Variants in ZNF454 observed in about 807,000 individuals in gnomAD.
ZNF454 encodes zinc finger protein 454.
ZNF454 carries 30 observed loss-of-function variants against 48.2 expected under a neutral mutation model. The observed-to-expected ratio is 0.62, with a 90% CI of 0.47 to 0.84. The LOEUF (loss-of-function observed/expected upper bound fraction) is 0.84. Among genes scored for constraint, ZNF454 ranks in the 40% least tolerant of loss-of-function variants. The pLI, the probability that ZNF454 is intolerant of heterozygous loss-of-function variation, is 0.00. For synonymous variants in ZNF454, 204 were observed against 211.4 expected (o/e 0.97, Z 0.30); for missense variants, 510 against 623.1 (o/e 0.82, Z 1.93).
chr5:178,943,752 G>A (rs1163825438), intron 2 of ZNF454, among the ~76,000 whole-genome samples: 2 of 152,314 alleles, frequency 1.3e-5, no homozygotes, highest in African/African-American at 4.8e-5. Flanking sequence ...TGGGCCAGAC[G>A]CGGTGGCTCA....
In ZNF454 at chr5:178,965,516, T is replaced by G; in HGVS notation, c.1112T>G (p.Leu371Arg). The change falls in exon 5 of 5, where the codon CTT becomes CGT. Residue 371 changes from leucine (L) to arginine (R), a missense_variant. Around this residue, in one of 3 missense-constraint regions of ZNF454, gnomAD observed 153 missense variants for 195.8 expected, o/e 0.78. Transcript: ENST00000519564. This position sits in a 1 kb window ranked among gnomAD's most constrained non-coding sequence, Gnocchi z 5.2. ...AAGGCCTTCAGGGTGAACTCTTCCC[T>G]TACTGAACATCAGAGAATTCATACT... ...CGKAFRVNSS[L>R]TEHQRIHTGE... The G allele has an allele frequency of 6.2e-7, 1 of 1,614,116 alleles. No homozygotes were observed. Among genetic ancestry groups the G allele is most frequent in the Non-Finnish European group, 8.5e-7 (1 of 1,180,022 alleles).
the ZNF454 span, among the ~76,000 whole-genome samples, chr5:178,973,979 T>A: frequency 1.3e-5 from 2 of 152,112 alleles, no homozygotes; most frequent in Non-Finnish European, 2.9e-5. Flanking sequence ...AGGGTCATAG[T>A]TTAAACTTAT....
chr5:178,968,766 G>A, downstream of ZNF454: 1 of 456,704 alleles, frequency 2.2e-6, no homozygotes, highest in Admixed American at 2.3e-5. Flanking sequence ...AGCTGAGTTG[G>A]TTGGTGGTTT....
the ZNF454 span, chr5:178,989,060 G>A: frequency 3.1e-6 from 5 of 1,613,908 alleles, no homozygotes; most frequent in Admixed American, 8.3e-5. Flanking sequence ...GTGGGCAATG[G>A]CGTACACCGC....
chr5:178,974,842 G>C, the ZNF454 span, among the ~76,000 whole-genome samples: 27 of 152,294 alleles, frequency 1.8e-4, no homozygotes, highest in African/African-American at 5.8e-4. Flanking sequence ...ATCACAACAT[G>C]AGAGTTAAGA....
rs753198538 is a variant in ZNF454, at chr5:178,942,751, C to G, written c.-41C>G. On this transcript the variant is annotated 5_prime_UTR_variant, in exon 2 of 5. Transcript: ENST00000519564. Reference sequence around the variant, plus strand: ...TGAAGCTCCACACCTGCCTCCATAGCACTTTGCCTGTCCCTAAGAGGGCTC... The same window carrying G: ...TGAAGCTCCACACCTGCCTCCATAGGACTTTGCCTGTCCCTAAGAGGGCTC... 1 of 1,613,482 alleles carries G rather than the reference C, an allele frequency of 6.2e-7. No homozygotes were observed. Among genetic ancestry groups the G allele is most frequent in the East Asian group, 2.2e-5 (1 of 44,876 alleles).
the ZNF454 span, among the ~76,000 whole-genome samples, chr5:178,975,074 A>G: frequency 1.3e-5 from 2 of 152,170 alleles, no homozygotes; most frequent in South Asian, 2.1e-4. Flanking sequence ...TTGGGAGGCC[A>G]TGGCAGGCCG....
downstream of ZNF454, among the ~76,000 whole-genome samples, chr5:178,968,360 A>T (rs555797990): frequency 6.6e-6 from 1 of 152,214 alleles, no homozygotes; most frequent in East Asian, 1.9e-4. Context: ...AGAAGAGGAT[A>T]TTCTATATCA....
chr5:178,976,702 A>T, the ZNF454 span, among the ~76,000 whole-genome samples: 1 of 152,176 alleles, frequency 6.6e-6, no homozygotes, highest in Non-Finnish European at 1.5e-5. Flanking sequence ...GCAGAGCTGG[A>T]GTTGACCTCA....
rs557642549 is a variant in ZNF454 at position 178,965,135 on chromosome 5, A to G, written c.731A>G (p.Tyr244Cys). 5 of 1,614,028 alleles carry G rather than the reference A, an allele frequency of 3.1e-6. No individual in the cohort carries two copies. In the African/African-American group the frequency reaches 4.0e-5, roughly 13 times the overall value. Residue 244 changes from tyrosine to cysteine, a missense_variant, in exon 5 of 5, where the codon TAT becomes TGT. This residue lies in a region of ZNF454 where 354 missense variants were observed against 408.9 expected (regional missense o/e 0.87). Coordinates refer to ENST00000519564, the MANE Select transcript of ZNF454 (RefSeq NM_001178089.3). The surrounding 1 kb of genome is among the most constrained non-coding windows in gnomAD (Gnocchi z 5.2). ...AGAATTCACACTGGCGAGAAACCCT[A>G]TGAATGTAAGGAATGTGGCAAGGCC... is the stretch of plus-strand genomic sequence containing the variant. Reference protein sequence around the residue: ...HQRIHTGEKPYECKECGKAFS... With the variant: ...HQRIHTGEKPCECKECGKAFS...
chr5:178,956,931 TG>T, intron 4 of ZNF454: 1 of 304,864 alleles, frequency 3.3e-6, no homozygotes. Context: ...GTTACCAAGC[TG>T]GAGTGCAGTG....
At chr5:178,977,910 T>C in the ZNF454 span, among the ~76,000 whole-genome samples, 1 of 152,192 alleles carries the variant, frequency 6.6e-6, no homozygotes, top group Non-Finnish European at 1.5e-5. Flanking sequence ...ACTAATTTAC[T>C]TCTCTACACC....
downstream of ZNF454, chr5:178,969,480 G>A (rs777220662): frequency 1.1e-5 from 5 of 456,792 alleles, no homozygotes; most frequent in East Asian, 7.0e-5. Context: ...TGGCCATGTC[G>A]ACATACCCAG....
downstream of ZNF454, among the ~76,000 whole-genome samples, chr5:178,970,103 G>C (rs1465666604): frequency 3.9e-5 from 6 of 152,162 alleles, no homozygotes; most frequent in African/African-American, 1.4e-4. Context: ...TACTGTGGCC[G>C]AGCCTCAGAG....
chr5:178,947,828 A>C (rs1412367298), intron 4 of ZNF454, among the ~76,000 whole-genome samples: 2 of 152,194 alleles, frequency 1.3e-5, no homozygotes, highest in African/African-American at 2.4e-5. Context: ...AACCCAATGC[A>C]GTAGGCGGGA....
chr5:178,946,752 C>T lies in ZNF454; in HGVS notation c.161-145C>T, dbSNP rs1454799178. 1 of 797,656 alleles carries T rather than the reference C, an allele frequency of 1.3e-6. No individual in the cohort carries two copies. Among genetic ancestry groups the T allele is most frequent in the African/African-American group, 1.7e-5 (1 of 57,940 alleles). 49.4% of individuals were successfully genotyped at this position (797,656 alleles called of 1,614,324 possible). A position where few individuals can be genotyped will look rare whatever the true frequency, so the allele number is the denominator to read the frequency against. On this transcript the variant is annotated intron_variant, in intron 3 of 4. Transcript: ENST00000519564. The surrounding 1 kb of genome is among the most constrained non-coding windows in gnomAD (Gnocchi z 4.5). ...TGTGTCAGGCCTGAGTAATCTTTTC[C>T]TCCCTCTGGGAACACACCTGACCCT...
the ZNF454 span, chr5:178,975,713 G>A: frequency 7.0e-6 from 3 of 426,600 alleles, no homozygotes; most frequent in African/African-American, 2.0e-5. Context: ...GTGACGGTTA[G>A]CTTGATGTGT....
chr5:178,944,327 T>G lies in ZNF454; in HGVS notation c.33+1503T>G, dbSNP rs1376594611. ...AACCTGTCCGCACCCACAGTGCCAG[T>G]CTACTGTGATATTTTCCTTCCTTAA... is the stretch of plus-strand genomic sequence containing the variant. On this transcript the variant is annotated intron_variant, in intron 2 of 4. Transcript: ENST00000519564. The surrounding 1 kb of genome is among the most constrained non-coding windows in gnomAD (Gnocchi z 4.1). Among the ~76,000 whole-genome samples, 1 of 152,190 alleles carries G rather than the reference T, an allele frequency of 6.6e-6. No individual in the cohort carries two copies. Among genetic ancestry groups the G allele is most frequent in the African/African-American group, 2.4e-5 (1 of 41,446 alleles).
the ZNF454 span, chr5:178,983,372 C>G: frequency 1.3e-6 from 1 of 756,002 alleles, no homozygotes; most frequent in African/African-American, 1.7e-5. Flanking sequence ...CAGGAGCACT[C>G]AGTGGAGAAG....
Sources: allele counts gnomAD v4.1 joint callset (sites outside exome capture counted in the v4.1 genomes callset), GRCh38; gene constraint gnomAD v4.1.1; regional missense constraint gnomAD v4.1.1; non-coding constraint Gnocchi (gnomAD v3.1); transcripts MANE v1.5; gene names NCBI Gene and HGNC (gene_info 2026-07-23, HGNC 2026-07-21).